TMEM132B: variants seen among roughly 807,000 people sequenced by gnomAD.
The protein encoded by TMEM132B is transmembrane protein 132B.
A neutral mutation model predicts 90.8 loss-of-function variants in TMEM132B; 18 were observed. The observed-to-expected ratio is 0.20, with a 90% CI of 0.14 to 0.29. The LOEUF is 0.29. Among genes scored for constraint, TMEM132B ranks in the 10% least tolerant of loss-of-function variants. The pLI is 1.00. For missense variants in TMEM132B, 1,096 were observed against 1,326.8 expected, an observed-to-expected ratio of 0.83 and a Z score of 2.70; for synonymous variants, 504 against 523.3, an observed-to-expected ratio of 0.96 and a Z score of 0.50.
intron 3 of TMEM132B, among the ~76,000 whole-genome samples, chr12:125,509,697 C>T (rs79049174): frequency 0.029 from 4,428 of 152,152 alleles, 234 homozygotes; most frequent in African/African-American, 0.1. Flanking sequence ...AATTTTACAT[C>T]TTAGGAATGG....
chr12:125,504,380 AT>A (rs535764897), intron 3 of TMEM132B, among the ~76,000 whole-genome samples: 14 of 151,468 alleles, frequency 9.2e-5, no homozygotes, highest in African/African-American at 3.2e-4. Context: ...CCTCTCTTTC[AT>A]TTTTTTCCTT....
At chr12:125,642,890 C>T (rs2137026057) in intron 5 of TMEM132B, among the ~76,000 whole-genome samples, 1 of 151,788 alleles carries the variant, frequency 6.6e-6, no homozygotes, top group Non-Finnish European at 1.5e-5. Context: ...TGTTGGGTGG[C>T]AAAAGGCCGG....
At chr12:125,624,273 G>A (rs535952832) in intron 5 of TMEM132B, among the ~76,000 whole-genome samples, 33 of 152,318 alleles carry the variant, frequency 2.2e-4, no homozygotes, top group Admixed American at 3.9e-4. Context: ...GGCTGAGAGT[G>A]ACTTCCAGTG....
At chr12:125,379,827 T>C (rs1407835171) in intron 2 of TMEM132B, among the ~76,000 whole-genome samples, 1 of 152,172 alleles carries the variant, frequency 6.6e-6, no homozygotes, top group African/African-American at 2.4e-5. Context: ...CCATCATGAA[T>C]GAAGCAAGGA....
intron 1 of TMEM132B, among the ~76,000 whole-genome samples, chr12:125,248,969 C>G (rs1038220255): frequency 6.6e-6 from 1 of 152,134 alleles, no homozygotes; most frequent in African/African-American, 2.4e-5. Flanking sequence ...GACTGGTAAC[C>G]CCTGGTTTAG....
At chr12:125,429,959 G>A (rs1880447887) in intron 3 of TMEM132B, among the ~76,000 whole-genome samples, 1 of 152,128 alleles carries the variant, frequency 6.6e-6, no homozygotes, top group Admixed American at 6.5e-5. Flanking sequence ...CCTCCTTAAG[G>A]GTGAAGTATA....
chr12:125,302,282 CT>C (rs1194480917), intron 1 of TMEM132B, among the ~76,000 whole-genome samples: 8 of 151,406 alleles, frequency 5.3e-5, no homozygotes, highest in Admixed American at 5.3e-4. Context: ...GGAGGATCAC[CT>C]GATCCCAGGA....
intron 3 of TMEM132B, among the ~76,000 whole-genome samples, chr12:125,417,308 T>C (rs1455183789): frequency 1.3e-5 from 2 of 152,204 alleles, no homozygotes; most frequent in Non-Finnish European, 2.9e-5. Flanking sequence ...TTAGATCTTA[T>C]CAATACGCAG....
chr12:125,642,993 T>C (rs1886668738), intron 5 of TMEM132B, among the ~76,000 whole-genome samples: 1 of 152,134 alleles, frequency 6.6e-6, no homozygotes, highest in Non-Finnish European at 1.5e-5. Flanking sequence ...CACTTGGAAG[T>C]TTACTCTTTA....
chr12:125,569,287 G>A (rs1884734936), intron 4 of TMEM132B, among the ~76,000 whole-genome samples: 1 of 152,104 alleles, frequency 6.6e-6, no homozygotes. Flanking sequence ...TGGTATGCTG[G>A]ATATTATCGC....
rs555752168 is a variant in TMEM132B, at chr12:125,490,459, T to TTTTA, written c.1107-28964_1107-28961dup. Among the ~76,000 whole-genome samples, 14 of 152,168 alleles carry TTTTA rather than the reference T, an allele frequency of 9.2e-5. No homozygotes were observed. The highest frequency in any genetic ancestry group is 2.6e-4 in the African/African-American group (11 of 41,526). ...AAGAGGTGAAACTTAATTTATTTTA[T>TTTTA]TTTATTTATTTATTTATTTTTTGAG... On this transcript the variant is annotated intron_variant, in intron 3 of 8. Coordinates refer to ENST00000682704, the MANE Select transcript of TMEM132B (RefSeq NM_001366854.1). This position sits in a 1 kb window ranked among gnomAD's most constrained non-coding sequence, Gnocchi z 4.2.
chr12:125,432,366 A>AATAT (rs749081900), intron 3 of TMEM132B, among the ~76,000 whole-genome samples: 124 of 11,916 alleles, frequency 0.01, 45 homozygotes, highest in South Asian at 0.055. Flanking sequence ...GAATTCCTTG[A>AATAT]ATATATATAT....
rs1886987752 is a variant in TMEM132B at position 125,653,759 on chromosome 12, AATG to A, written c.2307_2309del (p.Met769del). ...GACAAGGGCCTTTGATTAAGTTAGA[AATG>A]ATGATAAGTGAACCTTGTCAGAAGA... is the stretch of plus-strand genomic sequence containing the variant. On this transcript the variant is annotated inframe_deletion, in exon 9 of 9. Coordinates refer to ENST00000682704, the MANE Select transcript of TMEM132B (RefSeq NM_001366854.1). 6.2e-7 allele frequency: 1 copy of A among 1,614,110 alleles called. No homozygotes were observed. The highest frequency in any genetic ancestry group is 1.7e-5 in the Admixed American group (1 of 60,000).
At chr12:125,212,626 G>A (rs1873346351) in intron 1 of TMEM132B, among the ~76,000 whole-genome samples, 1 of 152,066 alleles carries the variant, frequency 6.6e-6, no homozygotes, top group African/African-American at 2.4e-5. Flanking sequence ...TCCGGGAGGT[G>A]GAGGTTGCAG....
chr12:125,439,554 G>A (rs10773165), intron 3 of TMEM132B, among the ~76,000 whole-genome samples: 83,533 of 152,058 alleles, frequency 0.55, 24,463 homozygotes, highest in African/African-American at 0.77. Flanking sequence ...TTTATCAGCT[G>A]AAGGAGCTTT....
In TMEM132B at chr12:125,417,097, C is replaced by T. The variant is rs117496426; in HGVS notation, c.1106+1420C>T. Among the ~76,000 whole-genome samples, 1,242 of 152,272 alleles carry T rather than the reference C, an allele frequency of 8.2e-3. 16 individuals are homozygous for T. Among genetic ancestry groups the T allele is most frequent in the Middle Eastern group, 0.014 (4 of 294 alleles). The stretch of plus-strand genomic sequence containing the variant: ...CTCCTGGGTGTTTTCTGTCTTCCCA[C>T]TCCAGTATACCCAGTGCCCTGATTG... On this transcript the variant is annotated intron_variant, in intron 3 of 8. Coordinates refer to ENST00000682704, the MANE Select transcript of TMEM132B (RefSeq NM_001366854.1).
At chr12:125,546,469 A>G (rs1217015829) in intron 4 of TMEM132B, among the ~76,000 whole-genome samples, 1 of 152,232 alleles carries the variant, frequency 6.6e-6, no homozygotes, top group Non-Finnish European at 1.5e-5. Flanking sequence ...GGCATGAGCC[A>G]CCACGACCGG....
At chr12:125,583,763 G>GCA in intron 4 of TMEM132B, 88 bp from the exon 5 acceptor site, 1 of 1,465,530 alleles carries the variant, frequency 6.8e-7, no homozygotes, top group African/African-American at 1.4e-5. Context: ...GAGAATGAAG[G>GCA]CAGTAGGGAG....
At chr12:125,262,404 T>A (rs995003978) in intron 1 of TMEM132B, among the ~76,000 whole-genome samples, 3 of 152,006 alleles carry the variant, frequency 2.0e-5, no homozygotes, top group African/African-American at 7.3e-5. Flanking sequence ...TAAAAAAAAA[T>A]GGACTATTGC....
Sources: gnomAD v4.1 joint callset for allele counts (sites outside exome capture counted in the v4.1 genomes callset) on GRCh38, gnomAD v4.1.1 for gene constraint, Gnocchi (gnomAD v3.1) non-coding constraint, MANE v1.5 for transcripts, NCBI Gene and HGNC (gene_info 2026-07-23, HGNC 2026-07-21) for gene names.